The following DENND5A variants were observed in gnomAD, a reference collection of about 807,000 sequenced individuals.
DENND5A encodes DENN domain-containing protein 5A.
DENND5A carries 64 observed loss-of-function variants against 140.3 expected under a neutral mutation model. The observed-to-expected ratio is 0.46, with a 90% CI of 0.37 to 0.56. The LOEUF is 0.56. DENND5A is among the 20% of genes least tolerant of loss of function. The probability of loss-of-function intolerance (pLI) is 0.00; values close to 1 mark genes in which losing one functional copy is unlikely to be tolerated. For missense variants in DENND5A, 1,292 were observed against 1,593.8 expected (o/e 0.81, Z 3.22); for synonymous variants, 605 against 607.7 (o/e 1.00, Z 0.07).
chr11:9,166,071 C>A, intron 10 of DENND5A, 104 bp from the exon 11 acceptor site: 2 of 1,011,102 alleles, frequency 2.0e-6, no homozygotes, highest in Middle Eastern at 3.0e-4. Context: ...CTCACATTTT[C>A]TTTTTTTTTC....
intron 10 of DENND5A, among the ~76,000 whole-genome samples, chr11:9,167,856 G>T (rs1254220139): frequency 3.3e-5 from 5 of 152,102 alleles, no homozygotes; most frequent in African/African-American, 1.2e-4. Flanking sequence ...GGCTTAAAGA[G>T]ATGCTTGCTC....
Position 9,246,296 on chromosome 11 carries a change from C to CA in DENND5A, c.109+18664dup, listed in dbSNP as rs111504049. Among the ~76,000 whole-genome samples, 347 of 152,264 alleles carry CA rather than the reference C, an allele frequency of 2.3e-3. 2 individuals carry two copies. Among genetic ancestry groups the CA allele is most frequent in the African/African-American group, 8.0e-3 (331 of 41,562 alleles). ...AATTCAGACACCCACTGAGGTTCCA[C>CA]ACCGGACACATAGACCTTAGATAAA... On this transcript the variant is annotated intron_variant, in intron 1 of 22. Transcript: ENST00000328194.
chr11:9,177,041 G>C (rs1368604640), intron 8 of DENND5A: 2 of 399,104 alleles, frequency 5.0e-6, no homozygotes, highest in Non-Finnish European at 9.9e-6. Flanking sequence ...AACTGCTTGA[G>C]CCCAAGAGTT....
At chr11:9,234,592 G>T (rs189654513) in intron 1 of DENND5A, among the ~76,000 whole-genome samples, 2 of 152,288 alleles carry the variant, frequency 1.3e-5, no homozygotes, top group Non-Finnish European at 2.9e-5. Flanking sequence ...TGACATGTTC[G>T]CGATGGCCCT....
chr11:9,241,954 T>C (rs543380879), intron 1 of DENND5A, among the ~76,000 whole-genome samples: 141 of 143,494 alleles, frequency 9.8e-4, no homozygotes, highest in Middle Eastern at 7.8e-3. Flanking sequence ...GTGGAGGTTG[T>C]GGTGAGCAGA....
intron 4 of DENND5A, 190 bp downstream of exon 4, chr11:9,203,470 G>T: frequency 1.7e-6 from 1 of 589,848 alleles, no homozygotes; most frequent in Non-Finnish European, 2.9e-6. Flanking sequence ...AAAAGGCCAT[G>T]AAGATAGTTA....
chr11:9,230,258 T>C (rs1262787350), intron 1 of DENND5A, among the ~76,000 whole-genome samples: 6 of 66,310 alleles, frequency 9.0e-5, no homozygotes, highest in Non-Finnish European at 1.7e-4. Flanking sequence ...TTTTTTTTTT[T>C]TGAGACAAGT....
At position 9,263,755 on chromosome 11, in the gene DENND5A, T is replaced by C. The variant is rs1174146483; in HGVS notation, c.109+1206A>G. Among the ~76,000 whole-genome samples, 3 of 139,602 alleles carry C rather than the reference T, an allele frequency of 2.1e-5. No homozygotes were observed. In the East Asian group the frequency reaches 6.4e-4, roughly 30 times the overall value. The allele number at this position is 139,602 out of a possible 152,430, so 91.6% of individuals were successfully genotyped here. On this transcript the variant is annotated intron_variant, in intron 1 of 22. Coordinates refer to ENST00000328194, the MANE Select transcript of DENND5A (RefSeq NM_015213.4). ...TACTCGGGAGGCTGAGGCAGGAGAA[T>C]GGCGTGAACCCGGGAAGCGGAGCTT...
chr11:9,192,665 C>T (rs1386691321), intron 5 of DENND5A, among the ~76,000 whole-genome samples: 2 of 151,872 alleles, frequency 1.3e-5, no homozygotes, highest in South Asian at 2.1e-4. Flanking sequence ...AAAACTCTAC[C>T]CCCAAAAAAA....
intron 11 of DENND5A, among the ~76,000 whole-genome samples, chr11:9,164,917 G>A (rs1388651747): frequency 6.6e-6 from 1 of 152,170 alleles, no homozygotes; most frequent in African/African-American, 2.4e-5. Flanking sequence ...TTAAGCCCAG[G>A]ACTTCAAGGC....
intron 5 of DENND5A, among the ~76,000 whole-genome samples, chr11:9,192,638 C>CAA (rs141358183): frequency 0.011 from 1,488 of 140,778 alleles, 4 homozygotes; most frequent in Non-Finnish European, 0.017. Context: ...AAAAAAAAAA[C>CAA]AAAAAAAAAC....
At chr11:9,190,575 C>A (rs1287157639) in intron 5 of DENND5A, among the ~76,000 whole-genome samples, 1 of 152,174 alleles carries the variant, frequency 6.6e-6, no homozygotes, top group Non-Finnish European at 1.5e-5. Flanking sequence ...GCTTTCCCAG[C>A]CACATGGAAC....
chr11:9,198,913 A>C (rs1357678921), intron 4 of DENND5A, among the ~76,000 whole-genome samples: 1 of 149,296 alleles, frequency 6.7e-6, no homozygotes, highest in Non-Finnish European at 1.5e-5. Context: ...TCTACTAAAA[A>C]TACAAAAATT....
At chr11:9,225,005 A>G (rs151075312) in intron 1 of DENND5A, among the ~76,000 whole-genome samples, 1 of 152,132 alleles carries the variant, frequency 6.6e-6, no homozygotes, top group Non-Finnish European at 1.5e-5. Context: ...TTCATATGAC[A>G]TGGTTTTCAG....
intron 1 of DENND5A, among the ~76,000 whole-genome samples, chr11:9,248,173 G>T (rs922012167): frequency 7.2e-5 from 11 of 152,024 alleles, no homozygotes; most frequent in African/African-American, 2.7e-4. Context: ...TGTAAAGACG[G>T]GGTTTCACCA....
intron 5 of DENND5A, among the ~76,000 whole-genome samples, chr11:9,187,653 T>C (rs554533824): frequency 9.3e-4 from 142 of 152,210 alleles, no homozygotes; most frequent in African/African-American, 3.2e-3. Context: ...GGGTCCAAGA[T>C]AGAAAAAAAT....
At chr11:9,177,497 A>T (rs72859608) in intron 8 of DENND5A, among the ~76,000 whole-genome samples, 33,611 of 149,368 alleles carry the variant, frequency 0.23, 3,895 homozygotes, top group African/African-American at 0.29. Context: ...AAAAAAAAAA[A>T]TTTTTTAATT....
intron 12 of DENND5A, among the ~76,000 whole-genome samples, chr11:9,159,320 T>C (rs558931065): frequency 6.1e-5 from 9 of 147,392 alleles, no homozygotes; most frequent in Admixed American, 2.0e-4. Context: ...AACTTTTTTT[T>C]CTTTTTTTTT....
chr11:9,254,889 G>C (rs1590344268), intron 1 of DENND5A, among the ~76,000 whole-genome samples: 1 of 151,936 alleles, frequency 6.6e-6, no homozygotes, highest in East Asian at 1.9e-4. Flanking sequence ...TGGGCAACAT[G>C]GTGAAACCCC....
Sources: allele counts gnomAD v4.1 joint callset (sites outside exome capture counted in the v4.1 genomes callset), GRCh38; gene constraint gnomAD v4.1.1; transcripts MANE v1.5; gene names NCBI Gene and HGNC (gene_info 2026-07-23, HGNC 2026-07-21).